Variants in METTL14 observed in about 807,000 individuals in gnomAD.
METTL14 encodes the protein N(6)-adenosine-methyltransferase non-catalytic subunit METTL14.
Under a neutral mutation model 62.4 loss-of-function variants are expected in METTL14, and 32 were observed. The ratio of observed to expected loss-of-function variants is 0.51; its 90% confidence interval spans 0.39 to 0.69. The LOEUF (loss-of-function observed/expected upper bound fraction) is 0.69. METTL14 is among the 30% of genes least tolerant of loss of function. The pLI is 0.00. For synonymous variants in METTL14, 150 were observed against 180.0 expected, an observed-to-expected ratio of 0.83 and a Z score of 1.34; for missense variants, 340 against 551.9, an observed-to-expected ratio of 0.62 and a Z score of 3.85.
intron 10 of METTL14, among the ~76,000 whole-genome samples, chr4:118,707,296 A>G (rs1724783207): frequency 6.6e-6 from 1 of 152,212 alleles, no homozygotes; most frequent in Non-Finnish European, 1.5e-5. Flanking sequence ...GAAAAATTTG[A>G]TGGATCAAAG....
chr4:118,704,634 T>C (rs1294305826), intron 9 of METTL14, among the ~76,000 whole-genome samples: 2 of 152,164 alleles, frequency 1.3e-5, no homozygotes, highest in Non-Finnish European at 2.9e-5. Context: ...TTGGTGAACC[T>C]GTGGAGTTTC....
Position 118,685,476 on chromosome 4 carries a change from G to A in METTL14, c.-59G>A, listed in dbSNP as rs1354391227. ...TTCCACAGACTCGGAAGAAAGGTTG[G>A]ATAAGAGTTCACTGGAGATTGACAA... On this transcript the variant is annotated 5_prime_UTR_variant, in exon 1 of 11. Coordinates refer to ENST00000388822, the MANE Select transcript of METTL14 (RefSeq NM_020961.4). 6.6e-7 allele frequency: 1 copy of A among 1,509,536 alleles called. No homozygotes were observed. The highest frequency in any genetic ancestry group is 1.1e-5 in the South Asian group (1 of 88,872). The allele number at this position is 1,509,536 out of a possible 1,614,324, so 93.5% of individuals were successfully genotyped here.
At chr4:118,690,979 A>G (rs1724228753) in intron 3 of METTL14, among the ~76,000 whole-genome samples, 1 of 152,204 alleles carries the variant, frequency 6.6e-6, no homozygotes, top group Non-Finnish European at 1.5e-5. Flanking sequence ...AGTTAATTGT[A>G]TATAATAGAG....
chr4:118,691,387 G>A (rs2110465799), intron 3 of METTL14, 145 bp from the exon 4 acceptor site: 1 of 530,778 alleles, frequency 1.9e-6, no homozygotes, highest in South Asian at 3.0e-5. Context: ...TAATGGGAAA[G>A]CAAAGACTTC....
intron 10 of METTL14, among the ~76,000 whole-genome samples, chr4:118,706,162 G>T (rs1724751211): frequency 6.6e-6 from 1 of 152,182 alleles, no homozygotes; most frequent in African/African-American, 2.4e-5. Flanking sequence ...AATTCTGTGA[G>T]TTTGGACAAA....
intron 6 of METTL14, among the ~76,000 whole-genome samples, chr4:118,696,117 CAAAAA>C (rs70941201): frequency 1.1e-3 from 37 of 33,906 alleles, no homozygotes; most frequent in Non-Finnish European, 1.5e-3. Flanking sequence ...GACTCTGTCT[CAAAAA>C]AAAAAAAAAA....
intron 7 of METTL14, among the ~76,000 whole-genome samples, chr4:118,698,332 A>T (rs1407077952): frequency 6.6e-6 from 1 of 151,812 alleles, no homozygotes; most frequent in Admixed American, 6.6e-5. Context: ...ACGTACCTGT[A>T]ATCCCAGCTA....
chr4:118,712,613 C>G lies in METTL14; in HGVS notation c.*2311C>G, dbSNP rs972398441. On this transcript the variant is annotated 3_prime_UTR_variant, in exon 11 of 11. Transcript: ENST00000388822. The stretch of plus-strand genomic sequence containing the variant: ...CCAGCCTGGGCGACAGAGTGAGACT[C>G]TGTCTCAAAAAAAAAAAAAAAAATT... 4 of 131,996 alleles carry G rather than the reference C, an allele frequency of 3.0e-5. No homozygotes were observed. The highest frequency in any genetic ancestry group is 1.1e-4 in the African/African-American group (4 of 35,998). The allele number at this position is 131,996 out of a possible 1,614,324, so 8.2% of individuals were successfully genotyped here.
chr4:118,699,821 GCC>G (rs1488625135), intron 7 of METTL14, among the ~76,000 whole-genome samples: 7 of 152,256 alleles, frequency 4.6e-5, no homozygotes, highest in Non-Finnish European at 8.8e-5. Context: ...TGGCCCCAGA[GCC>G]CTAAGTTCTT....
At chr4:118,698,220 C>T (rs888479675) in intron 7 of METTL14, among the ~76,000 whole-genome samples, 2 of 151,640 alleles carry the variant, frequency 1.3e-5, no homozygotes, top group African/African-American at 2.4e-5. Flanking sequence ...TTTGGGAGGC[C>T]GAGGAGGGTG....
chr4:118,686,049 T>TA (rs1176806063), intron 1 of METTL14, among the ~76,000 whole-genome samples: 1 of 152,242 alleles, frequency 6.6e-6, no homozygotes, highest in Non-Finnish European at 1.5e-5. Flanking sequence ...ACACTGGAAG[T>TA]AGCCTGAGTG....
intron 2 of METTL14, among the ~76,000 whole-genome samples, chr4:118,689,149 C>T (rs1175053567): frequency 6.6e-6 from 1 of 152,102 alleles, no homozygotes; most frequent in Non-Finnish European, 1.5e-5. Flanking sequence ...TCCCTTATAG[C>T]AGCTTATTTT....
Position 118,710,435 on chromosome 4 carries a change from T to TAG in METTL14, c.*133_*134insAG. 1 of 875,046 alleles carries TAG rather than the reference T, an allele frequency of 1.1e-6. No individual in the cohort carries two copies. The highest frequency in any genetic ancestry group is 1.7e-6 in the Non-Finnish European group (1 of 582,794). 54.2% of individuals were successfully genotyped at this position (875,046 alleles called of 1,614,324 possible). On this transcript the variant is annotated 3_prime_UTR_variant, in exon 11 of 11. Coordinates refer to ENST00000388822, the MANE Select transcript of METTL14 (RefSeq NM_020961.4). ...TTAATTTCTCTGAGCTGCAAGAATG[T>TAG]CTTAGCGAGCCTTGCTTGCAGTTGT...
At position 118,714,066 on chromosome 4, in the gene METTL14, A is replaced by G. The variant is rs545333439; in HGVS notation, c.*3764A>G. The G allele has an allele frequency of 8.5e-5, 13 of 152,224 alleles. No individual in the cohort carries two copies. The highest frequency in any genetic ancestry group is 3.3e-4 in the Admixed American group (5 of 15,288). The allele number at this position is 152,224 out of a possible 1,614,324, so 9.4% of individuals were successfully genotyped here. On this transcript the variant is annotated 3_prime_UTR_variant, in exon 11 of 11. Coordinates refer to ENST00000388822, the MANE Select transcript of METTL14 (RefSeq NM_020961.4). Reference sequence around the variant, plus strand: ...AATCAGATAAGGTAGGTTTTTCCAAAAATACTTCTAAATAATTGACAACCT... The same window carrying G: ...AATCAGATAAGGTAGGTTTTTCCAAGAATACTTCTAAATAATTGACAACCT...
At position 118,711,148 on chromosome 4, in the gene METTL14, T is replaced by C. The variant is rs1005441469; in HGVS notation, c.*846T>C. On this transcript the variant is annotated 3_prime_UTR_variant, in exon 11 of 11. Coordinates refer to ENST00000388822, the MANE Select transcript of METTL14 (RefSeq NM_020961.4). The stretch of plus-strand genomic sequence containing the variant: ...TTTATACATTTTGGGACTAAAATAC[T>C]TGGTGATGAAATGACATACACCTTT... The C allele has an allele frequency of 1.3e-5, 2 of 152,212 alleles. No homozygotes were observed. Among genetic ancestry groups the C allele is most frequent in the African/African-American group, 4.8e-5 (2 of 41,460 alleles). The allele number at this position is 152,212 out of a possible 1,614,324, so 9.4% of individuals were successfully genotyped here.
At position 118,689,385 on chromosome 4, in the gene METTL14, C is replaced by G. The variant is rs141704350; in HGVS notation, c.171C>G (p.Thr57=). 1.2e-3 allele frequency: 1,868 copies of G among 1,598,826 alleles called. 14 individuals are homozygous for G. The African/African-American group carries it at 0.021, about 18-fold the overall frequency. ...TATTTTTCAGGGCTTCCTATGATAC[C>G]TCTGCTCCAAATGCAAAACGTAAGT... is the stretch of plus-strand genomic sequence containing the variant. ...TRETCRASYD[T]SAPNAKRKYL... Residue 57 remains threonine, a synonymous_variant, in exon 3 of 11, where the codon ACC becomes ACG. Coordinates refer to ENST00000388822, the MANE Select transcript of METTL14 (RefSeq NM_020961.4).
At chr4:118,700,884 G>A (rs1341507530) in intron 8 of METTL14, among the ~76,000 whole-genome samples, 1 of 152,158 alleles carries the variant, frequency 6.6e-6, no homozygotes, top group Admixed American at 6.5e-5. Context: ...ACAAGTACAG[G>A]AAGAGAACAG....
At position 118,688,024 on chromosome 4, in the gene METTL14, A is replaced by ATT. The variant is rs754666551; in HGVS notation, c.155+14_155+15dup. The ATT allele has an allele frequency of 3.3e-6, 5 of 1,497,382 alleles. No individual in the cohort carries two copies. In the South Asian group the frequency reaches 3.5e-5, roughly 11 times the overall value. 92.8% of individuals were successfully genotyped at this position (1,497,382 alleles called of 1,614,324 possible). A position where few individuals can be genotyped will look rare whatever the true frequency, so the allele number is the denominator to read the frequency against. ...GAGAAACTTGCAGGTCAGTCAGATAATTCTTTTTTTTTTTTTTTTTGAGAC... is the reference window on the plus strand; with the variant it reads ...GAGAAACTTGCAGGTCAGTCAGATAATTTTCTTTTTTTTTTTTTTTTTGAGAC... On this transcript the variant is annotated intron_variant, in intron 2 of 10. Coordinates refer to ENST00000388822, the MANE Select transcript of METTL14 (RefSeq NM_020961.4).
chr4:118,691,035 A>G (rs1208913901), intron 3 of METTL14, among the ~76,000 whole-genome samples: 1 of 152,210 alleles, frequency 6.6e-6, no homozygotes, highest in Non-Finnish European at 1.5e-5. Context: ...GTTCAGTGAA[A>G]TAATACCTAA....
Sources: allele counts gnomAD v4.1 joint callset (sites outside exome capture counted in the v4.1 genomes callset), GRCh38; gene constraint gnomAD v4.1.1; transcripts MANE v1.5; gene names NCBI Gene and HGNC (gene_info 2026-07-23, HGNC 2026-07-21).